Variants in FHOD3 observed in about 807,000 individuals in gnomAD.
FHOD3 encodes formin homology 2 domain containing 3.
FHOD3 carries 90 observed loss-of-function variants against 173.0 expected under a neutral mutation model. The ratio of observed to expected loss-of-function variants is 0.52; its 90% confidence interval spans 0.44 to 0.62. FHOD3 has a LOEUF of 0.62. Among genes scored for constraint, FHOD3 ranks in the 20% least tolerant of loss-of-function variants. The pLI is 0.00. For missense variants in FHOD3, 1,945 were observed against 2,034.7 expected (o/e 0.96, Z 0.85); for synonymous variants, 828 against 823.0 (o/e 1.01, Z -0.10).
chr18:36,674,884 C>G (rs2037749831), intron 14 of FHOD3, among the ~76,000 whole-genome samples: 1 of 152,206 alleles, frequency 6.6e-6, no homozygotes, highest in African/African-American at 2.4e-5. Flanking sequence ...TGAGAATACT[C>G]TATGATGCAC....
intron 10 of FHOD3, among the ~76,000 whole-genome samples, chr18:36,644,458 C>A (rs2035547439): frequency 6.6e-6 from 1 of 152,212 alleles, no homozygotes; most frequent in Non-Finnish European, 1.5e-5. Flanking sequence ...TTCTCCACCC[C>A]TTTGCATTAT....
At chr18:36,319,819 C>G (rs111769220) in intron 1 of FHOD3, among the ~76,000 whole-genome samples, 3,045 of 152,262 alleles carry the variant, frequency 0.02, 103 homozygotes, top group African/African-American at 0.069. Context: ...AATTAGAACT[C>G]AGGATTAAGA....
At chr18:36,698,010 C>A (rs570621522) in intron 17 of FHOD3, among the ~76,000 whole-genome samples, 1 of 152,136 alleles carries the variant, frequency 6.6e-6, no homozygotes, top group Non-Finnish European at 1.5e-5. Context: ...CCAACTGGCA[C>A]GGTAGCAATG....
intron 14 of FHOD3, among the ~76,000 whole-genome samples, chr18:36,679,963 A>T (rs548407110): frequency 3.7e-4 from 56 of 152,352 alleles, no homozygotes; most frequent in South Asian, 1.0e-3. Context: ...TGCAAGAGGT[A>T]TTACAAACCT....
At chr18:36,546,785 G>T (rs11665489) in intron 5 of FHOD3, among the ~76,000 whole-genome samples, 1 of 151,962 alleles carries the variant, frequency 6.6e-6, no homozygotes, top group Non-Finnish European at 1.5e-5. Context: ...GGGACACAGC[G>T]TAGGCAGCGT....
At chr18:36,526,528 C>T (rs895020841) in intron 5 of FHOD3, among the ~76,000 whole-genome samples, 3 of 152,046 alleles carry the variant, frequency 2.0e-5, no homozygotes, top group East Asian at 3.9e-4. Context: ...TGCGTTCCAG[C>T]GATTCTCCTG....
chr18:36,645,097 CTG>C (rs1219947358), intron 10 of FHOD3, among the ~76,000 whole-genome samples: 1 of 152,086 alleles, frequency 6.6e-6, no homozygotes, highest in Non-Finnish European at 1.5e-5. Flanking sequence ...GAAAAGAAGA[CTG>C]AGGCTGGTAG....
intron 26 of FHOD3, among the ~76,000 whole-genome samples, chr18:36,759,618 G>T (rs2042782729): frequency 6.6e-6 from 1 of 152,212 alleles, no homozygotes; most frequent in Non-Finnish European, 1.5e-5. Flanking sequence ...GGTGTTAATG[G>T]CTCCCATGGG....
intron 6 of FHOD3, among the ~76,000 whole-genome samples, chr18:36,587,439 A>G (rs1375995527): frequency 6.6e-6 from 1 of 152,204 alleles, no homozygotes; most frequent in Non-Finnish European, 1.5e-5. Context: ...TCACTTGGTC[A>G]TGTAGGCGAT....
At chr18:36,748,357 C>T (rs1212262238) in intron 24 of FHOD3, among the ~76,000 whole-genome samples, 5 of 145,310 alleles carry the variant, frequency 3.4e-5, no homozygotes, top group East Asian at 3.9e-4. Context: ...TTAAAATACA[C>T]GCACGCGCAC....
intron 23 of FHOD3, among the ~76,000 whole-genome samples, chr18:36,744,806 T>C (rs1457996643): frequency 6.6e-6 from 1 of 152,262 alleles, no homozygotes; most frequent in Non-Finnish European, 1.5e-5. Flanking sequence ...GACACCTGGC[T>C]GCCTCTAGTG....
intron 5 of FHOD3, among the ~76,000 whole-genome samples, chr18:36,514,778 C>T (rs527596317): frequency 2.0e-5 from 3 of 152,164 alleles, no homozygotes; most frequent in African/African-American, 4.8e-5. Context: ...CAAGCCCAGG[C>T]GAGGGGCACA....
intron 5 of FHOD3, among the ~76,000 whole-genome samples, chr18:36,518,891 TCCTTGGCATGC>T (rs1346587145): frequency 5.3e-5 from 8 of 152,160 alleles, no homozygotes; most frequent in Non-Finnish European, 1.2e-4. Context: ...CTTTCACGTC[TCCTTGGCATGC>T]TGTTAGGGAT....
At chr18:36,435,124 A>G (rs2050747677) in intron 3 of FHOD3, among the ~76,000 whole-genome samples, 1 of 150,732 alleles carries the variant, frequency 6.6e-6, no homozygotes, top group Non-Finnish European at 1.5e-5. Flanking sequence ...TTTCTGGTCA[A>G]GAAAAGACCC....
intron 1 of FHOD3, among the ~76,000 whole-genome samples, chr18:36,351,124 G>A (rs1437300992): frequency 1.3e-5 from 2 of 152,176 alleles, no homozygotes; most frequent in African/African-American, 2.4e-5. Flanking sequence ...CAGCCCCTGT[G>A]TTGTTAGGAT....
intron 17 of FHOD3, among the ~76,000 whole-genome samples, chr18:36,708,176 A>G (rs2039986661): frequency 6.6e-6 from 1 of 152,218 alleles, no homozygotes; most frequent in African/African-American, 2.4e-5. Flanking sequence ...ATCTTACCTC[A>G]GTGACAGCAT....
At chr18:36,762,898 G>A (rs1246077866) in intron 27 of FHOD3, among the ~76,000 whole-genome samples, 2 of 146,582 alleles carry the variant, frequency 1.4e-5, no homozygotes, top group Non-Finnish European at 3.0e-5. Context: ...TATATAATAT[G>A]TGTATTATAC....
intron 3 of FHOD3, among the ~76,000 whole-genome samples, chr18:36,464,077 A>G (rs2052758344): frequency 6.6e-6 from 1 of 152,172 alleles, no homozygotes; most frequent in African/African-American, 2.4e-5. Context: ...CTTTAATTCT[A>G]TTTAGTCAGA....
At chr18:36,660,748 G>A (rs1448887202) in intron 14 of FHOD3, among the ~76,000 whole-genome samples, 1 of 152,204 alleles carries the variant, frequency 6.6e-6, no homozygotes, top group African/African-American at 2.4e-5. Context: ...AGGCCCTGGG[G>A]AGGTGTGGAC....
Sources: gnomAD v4.1 joint callset for allele counts (sites outside exome capture counted in the v4.1 genomes callset) on GRCh38, gnomAD v4.1.1 for gene constraint, MANE v1.5 for transcripts, NCBI Gene and HGNC (gene_info 2026-07-23, HGNC 2026-07-21) for gene names.